PCDHA5: variants seen among roughly 807,000 people sequenced by gnomAD.
The protein encoded by PCDHA5 is protocadherin alpha 5.
In PCDHA5, 43 loss-of-function variants were observed where a neutral mutation model predicts 61.6. The ratio of observed to expected loss-of-function variants is 0.70; its 90% CI spans 0.55 to 0.90. The LOEUF is 0.90. Among genes scored for constraint, PCDHA5 ranks in the 40% least tolerant of loss-of-function variants. The pLI, the probability that PCDHA5 is intolerant of heterozygous loss-of-function variation, is 0.00. For missense variants in PCDHA5, 1,298 were observed against 1,222.7 expected (o/e 1.06, Z -0.92); for synonymous variants, 627 against 543.9 (o/e 1.15, Z -2.13).
intron 1 of PCDHA5, chr5:140,875,728 G>T: frequency 6.2e-7 from 1 of 1,614,238 alleles, no homozygotes; most frequent in East Asian, 2.2e-5. Flanking sequence ...CATTTTGTTT[G>T]TGAATTCTCG....
intron 1 of PCDHA5, among the ~76,000 whole-genome samples, chr5:140,908,711 T>A (rs951399125): frequency 6.6e-6 from 1 of 152,144 alleles, no homozygotes; most frequent in African/African-American, 2.4e-5. Flanking sequence ...CACCATTGGA[T>A]CTGCTGGGTC....
chr5:140,934,915 A>G (rs1324840546), intron 1 of PCDHA5, among the ~76,000 whole-genome samples: 3 of 152,132 alleles, frequency 2.0e-5, no homozygotes, highest in Non-Finnish European at 4.4e-5. Context: ...ATAATTATGG[A>G]TTCACATAAA....
intron 1 of PCDHA5, chr5:140,836,920 G>A: frequency 1.8e-6 from 1 of 542,350 alleles, no homozygotes; most frequent in Non-Finnish European, 3.1e-6. Flanking sequence ...TTTTGTTTTG[G>A]GATGCGTAAT....
chr5:140,883,710 A>C (rs782592824), intron 1 of PCDHA5: 1 of 1,613,516 alleles, frequency 6.2e-7, no homozygotes, highest in South Asian at 1.1e-5. Context: ...TCTGCTCAGG[A>C]CGCGGACGCA....
chr5:140,827,595 A>G (rs2150148333), intron 1 of PCDHA5, among the ~76,000 whole-genome samples: 1 of 152,352 alleles, frequency 6.6e-6, no homozygotes, highest in Admixed American at 6.5e-5. Context: ...GGAAAGACAG[A>G]TGTGGGCAAG....
intron 1 of PCDHA5, chr5:140,836,819 C>T (rs1774763435): frequency 1.8e-6 from 2 of 1,113,462 alleles, no homozygotes; most frequent in African/African-American, 1.6e-5. Context: ...TTCATAATTT[C>T]TTTTTTAGTT....
intron 3 of PCDHA5, among the ~76,000 whole-genome samples, chr5:140,985,683 G>T (rs926848363): frequency 3.3e-5 from 5 of 151,148 alleles, no homozygotes; most frequent in Admixed American, 6.6e-5. Flanking sequence ...CCTGCCTTAC[G>T]CTAATCCTCG....
chr5:140,830,251 G>A (rs1554132671), intron 1 of PCDHA5: 2 of 1,613,892 alleles, frequency 1.2e-6, no homozygotes. Flanking sequence ...TGTACACAGC[G>A]CTGCGGTGCT....
intron 1 of PCDHA5, chr5:140,841,143 T>C (rs1298799618): frequency 4.1e-6 from 3 of 736,926 alleles, no homozygotes; most frequent in Non-Finnish European, 4.3e-6. Flanking sequence ...AGCCACATGA[T>C]GTCGCTGTCT....
intron 1 of PCDHA5, among the ~76,000 whole-genome samples, chr5:140,954,689 A>T (rs1392082377): frequency 2.0e-5 from 3 of 152,164 alleles, no homozygotes; most frequent in Non-Finnish European, 4.4e-5. Context: ...TCAGATGGAT[A>T]GACTACAAAA....
At chr5:140,996,752 G>T (rs1454271001) in intron 3 of PCDHA5, among the ~76,000 whole-genome samples, 4 of 152,090 alleles carry the variant, frequency 2.6e-5, no homozygotes, top group African/African-American at 7.2e-5. Context: ...AATTATATCT[G>T]TGCAGGACTA....
chr5:140,965,036 G>A (rs568573122), intron 1 of PCDHA5, among the ~76,000 whole-genome samples: 1 of 152,272 alleles, frequency 6.6e-6, no homozygotes, highest in African/African-American at 2.4e-5. Context: ...TTAACTGTCC[G>A]CTCTAGGAGG....
rs191873949 is a variant in PCDHA5 at position 140,855,986 on chromosome 5, G to T, written c.2352+31859G>T. On this transcript the variant is annotated intron_variant, in intron 1 of 3. Transcript: ENST00000529859. ...AGATATAAGAAATAGGACAGAAAATGTCAGATCGTATGTGCGTTCTAGACC... is the reference window on the plus strand; with the variant it reads ...AGATATAAGAAATAGGACAGAAAATTTCAGATCGTATGTGCGTTCTAGACC... The T allele has an allele frequency of 1.8e-5, 27 of 1,477,576 alleles. 1 individual carries two copies. Among genetic ancestry groups the T allele is most frequent in the South Asian group, 1.6e-4 (12 of 75,402 alleles). The allele number at this position is 1,477,576 out of a possible 1,614,324, so 91.5% of individuals were successfully genotyped here. A position where few individuals can be genotyped will look rare whatever the true frequency, so the allele number is the denominator to read the frequency against.
At chr5:140,893,657 A>T (rs1046030357) in intron 1 of PCDHA5, among the ~76,000 whole-genome samples, 19 of 152,126 alleles carry the variant, frequency 1.2e-4, no homozygotes, top group Non-Finnish European at 2.2e-4. Context: ...TGATAGTTTT[A>T]AAAAATTTCA....
chr5:140,971,557 T>A (rs1483701815), intron 1 of PCDHA5, among the ~76,000 whole-genome samples: 5 of 152,150 alleles, frequency 3.3e-5, no homozygotes, highest in Non-Finnish European at 7.4e-5. Context: ...CCTGTTAAAT[T>A]CCCATGTTGG....
At chr5:140,842,169 G>A (rs2150330880) in intron 1 of PCDHA5, 3 of 1,613,820 alleles carry the variant, frequency 1.9e-6, no homozygotes, top group South Asian at 1.1e-5. Context: ...TCTTTTAATA[G>A]CCTTGTTGAA....
At chr5:140,829,719 C>A (rs781943125) in intron 1 of PCDHA5, 1 of 1,613,542 alleles carries the variant, frequency 6.2e-7, no homozygotes, top group Non-Finnish European at 8.5e-7. Flanking sequence ...GCGGGCGTGC[C>A]GCCTCTGGGC....
intron 1 of PCDHA5, among the ~76,000 whole-genome samples, chr5:140,918,027 G>A (rs782291548): frequency 8.5e-5 from 13 of 152,226 alleles, no homozygotes; most frequent in African/African-American, 1.9e-4. Context: ...ACCCATGAGC[G>A]TGGAAGGTCT....
chr5:140,897,435 A>G (rs1382805623), intron 1 of PCDHA5, among the ~76,000 whole-genome samples: 1 of 147,702 alleles, frequency 6.8e-6, no homozygotes, highest in Non-Finnish European at 1.5e-5. Flanking sequence ...GAGAACATGC[A>G]GTGTTTGGTT....
Sources: allele counts gnomAD v4.1 joint callset (sites outside exome capture counted in the v4.1 genomes callset), GRCh38; gene constraint gnomAD v4.1.1; transcripts MANE v1.5; gene names NCBI Gene and HGNC (gene_info 2026-07-23, HGNC 2026-07-21).